The following ASIC2 variants were observed in gnomAD, a reference collection of about 807,000 sequenced individuals.
ASIC2 encodes the protein acid sensing ion channel subunit 2.
A neutral mutation model predicts 57.3 loss-of-function variants in ASIC2; 25 were observed. That is an observed-to-expected ratio of 0.44 (90% CI 0.32 to 0.61). The LOEUF (loss-of-function observed/expected upper bound fraction) is 0.61. Ranked by LOEUF, ASIC2 falls within the 20% of genes least tolerant of loss-of-function variation. ASIC2 has a pLI of 0.06. For missense variants in ASIC2, 641 were observed against 738.1 expected (o/e 0.87, Z 1.52); for synonymous variants, 319 against 307.5 (o/e 1.04, Z -0.39).
chr17:33,158,162 T>C (rs540231488), intron 1 of ASIC2, among the ~76,000 whole-genome samples: 1 of 152,354 alleles, frequency 6.6e-6, no homozygotes, highest in Admixed American at 6.5e-5. Flanking sequence ...AGTATAACCC[T>C]ACTGATTTGT....
chr17:34,064,356 C>T (rs1909086833), intron 1 of ASIC2, among the ~76,000 whole-genome samples: 1 of 152,202 alleles, frequency 6.6e-6, no homozygotes, highest in South Asian at 2.1e-4. Flanking sequence ...CCTCATCTCT[C>T]ACCTTATACA....
intron 1 of ASIC2, among the ~76,000 whole-genome samples, chr17:33,345,903 G>A (rs1250764873): frequency 6.6e-6 from 1 of 152,026 alleles, no homozygotes; most frequent in Non-Finnish European, 1.5e-5. Context: ...AAATGATGGT[G>A]GCTTGGAGTA....
intron 1 of ASIC2, among the ~76,000 whole-genome samples, chr17:33,178,933 T>C (rs537068430): frequency 3.3e-5 from 5 of 152,306 alleles, no homozygotes; most frequent in Non-Finnish European, 1.5e-5. Context: ...TCCTCCCTCA[T>C]TGCAGCCCAG....
chr17:33,876,589 C>T (rs994987313), intron 1 of ASIC2, among the ~76,000 whole-genome samples: 2 of 152,208 alleles, frequency 1.3e-5, no homozygotes, highest in Non-Finnish European at 2.9e-5. Context: ...TTACTGTCCT[C>T]ATTTTATAAA....
intron 1 of ASIC2, among the ~76,000 whole-genome samples, chr17:33,122,944 C>T (rs1381439594): frequency 1.3e-5 from 2 of 152,144 alleles, no homozygotes; most frequent in Non-Finnish European, 2.9e-5. Flanking sequence ...AAGGAGATAT[C>T]ACCTCTCATC....
rs1324807760 is a variant in ASIC2, at chr17:33,291,746, A to G, written c.370T>C (p.Trp124Arg). The change falls in exon 1 of 10, where the codon TGG becomes CGG. Residue 124 changes from tryptophan (W) to arginine (R), a missense_variant. Coordinates refer to ENST00000225823, the MANE Select transcript of ASIC2 (RefSeq NM_183377.2). ...GCGGGGAAGGGTAACTGGCGGCTCCACTCGCGGTGCACCCGCGTGTGTGAC... is the reference window on the plus strand; with the variant it reads ...GCGGGGAAGGGTAACTGGCGGCTCCGCTCGCGGTGCACCCGCGTGTGTGAC... ...FPSHTRVHREWSRQLPFPAVT... is the reference protein window; with the variant it reads ...FPSHTRVHRERSRQLPFPAVT... 6.2e-7 allele frequency: 1 copy of G among 1,613,172 alleles called. No individual in the cohort carries two copies. Among genetic ancestry groups the G allele is most frequent in the African/African-American group, 1.3e-5 (1 of 75,020 alleles).
intron 1 of ASIC2, among the ~76,000 whole-genome samples, chr17:34,027,681 T>C (rs180922795): frequency 6.6e-5 from 10 of 152,328 alleles, no homozygotes; most frequent in African/African-American, 2.2e-4. Flanking sequence ...GATCTAGAGA[T>C]AGAAGTCATG....
intron 1 of ASIC2, among the ~76,000 whole-genome samples, chr17:33,768,963 C>T (rs557749064): frequency 2.0e-5 from 3 of 152,316 alleles, no homozygotes; most frequent in African/African-American, 7.2e-5. Flanking sequence ...TGAAATTCCC[C>T]ACCCTCCACA....
At chr17:33,068,912 T>C (rs9891163) in intron 3 of ASIC2, among the ~76,000 whole-genome samples, 27,335 of 152,130 alleles carry the variant, frequency 0.18, 2,550 homozygotes, top group Non-Finnish European at 0.2. Flanking sequence ...TTTTAGTTTT[T>C]TAATGCAGAA....
Position 33,486,209 on chromosome 17 carries a change from A to C in ASIC2, c.556-374142T>G, listed in dbSNP as rs899643665. ...GATGGTTGACACCTGACTAGTGCTGACACCTACGGGTAGTGTTTTCATGGC... is the reference window on the plus strand; with the variant it reads ...GATGGTTGACACCTGACTAGTGCTGCCACCTACGGGTAGTGTTTTCATGGC... On this transcript the variant is annotated intron_variant, in intron 1 of 9. Coordinates refer to the ASIC2 transcript ENST00000359872. 2.6e-5 allele frequency among the ~76,000 whole-genome samples: 4 copies of C among 152,318 alleles called. No individual in the cohort carries two copies. The East Asian group carries it at 7.7e-4, about 29-fold the overall frequency.
At chr17:33,522,861 T>A (rs905754046) in intron 1 of ASIC2, among the ~76,000 whole-genome samples, 1 of 152,166 alleles carries the variant, frequency 6.6e-6, no homozygotes, top group African/African-American at 2.4e-5. Flanking sequence ...CCCTGAAAAC[T>A]GCCTCCCGCT....
intron 1 of ASIC2, among the ~76,000 whole-genome samples, chr17:33,239,946 C>T (rs140199657): frequency 1.3e-5 from 2 of 152,320 alleles, no homozygotes; most frequent in African/African-American, 2.4e-5. Flanking sequence ...TACTTCCCCC[C>T]ACGCTGCTGC....
chr17:33,737,702 G>A (rs1402591037), intron 1 of ASIC2, among the ~76,000 whole-genome samples: 2 of 147,716 alleles, frequency 1.4e-5, no homozygotes, highest in Non-Finnish European at 3.0e-5. Flanking sequence ...AAAAATGGCA[G>A]CCATCCTTAT....
chr17:33,172,781 T>A (rs975607899), intron 1 of ASIC2, among the ~76,000 whole-genome samples: 1 of 152,230 alleles, frequency 6.6e-6, no homozygotes, highest in African/African-American at 2.4e-5. Context: ...TAGGTAAAGA[T>A]GAGGATTCTC....
intron 1 of ASIC2, among the ~76,000 whole-genome samples, chr17:33,751,530 G>GT (rs149203047): frequency 9.5e-4 from 141 of 148,640 alleles, no homozygotes; most frequent in African/African-American, 2.3e-3. Flanking sequence ...CAAGGACATA[G>GT]TTTTTTTTTT....
Position 33,292,923 on chromosome 17 carries a change from C to T in ASIC2, c.-808G>A. On this transcript the variant is annotated 5_prime_UTR_variant, in exon 1 of 10. Transcript: ENST00000225823. ...GGGCGTCCTGCGGGAGGCTGTTCGC[C>T]GCCGGGGTCCTTCAAGGATGCTAGC... 1.0e-6 allele frequency: 1 copy of T among 985,546 alleles called. No individual in the cohort carries two copies. Among genetic ancestry groups the T allele is most frequent in the Non-Finnish European group, 1.2e-6 (1 of 829,998 alleles). The allele number at this position is 985,546 out of a possible 1,614,324, so 61.1% of individuals were successfully genotyped here.
chr17:33,161,472 A>C (rs1019410), intron 1 of ASIC2, among the ~76,000 whole-genome samples: 19,073 of 152,230 alleles, frequency 0.13, 1,613 homozygotes, highest in Non-Finnish European at 0.19. Flanking sequence ...CCCTAGTTAA[A>C]GCCATATCTC....
chr17:33,546,172 T>A (rs950710145), intron 1 of ASIC2, among the ~76,000 whole-genome samples: 2 of 150,202 alleles, frequency 1.3e-5, no homozygotes, highest in African/African-American at 2.4e-5. Context: ...CATAAGTATA[T>A]GTAAATATAT....
intron 1 of ASIC2, chr17:33,793,810 T>C (rs1235658682): frequency 6.6e-6 from 1 of 152,218 alleles, no homozygotes. Flanking sequence ...TCATTTGATC[T>C]ACCCAAACAC....
Sources: allele counts gnomAD v4.1 joint callset (sites outside exome capture counted in the v4.1 genomes callset), GRCh38; gene constraint gnomAD v4.1.1; transcripts MANE v1.5; gene names NCBI Gene and HGNC (gene_info 2026-07-23, HGNC 2026-07-21).